PTPN5: variants seen among roughly 807,000 people sequenced by gnomAD.
PTPN5 encodes the protein tyrosine-protein phosphatase non-receptor type 5.
A neutral mutation model predicts 73.9 loss-of-function variants in PTPN5; 29 were observed. That is an observed-to-expected ratio of 0.39 (90% CI 0.29 to 0.54). The LOEUF is 0.54. Among genes scored for constraint, PTPN5 ranks in the 20% least tolerant of loss-of-function variants. The pLI is 0.65. For synonymous variants in PTPN5, 267 were observed against 304.7 expected, an observed-to-expected ratio of 0.88 and a Z score of 1.29; for missense variants, 652 against 751.4, an observed-to-expected ratio of 0.87 and a Z score of 1.55.
At chr11:18,775,019 G>A (rs538747392) in intron 1 of PTPN5, among the ~76,000 whole-genome samples, 6 of 152,306 alleles carry the variant, frequency 3.9e-5, no homozygotes, top group South Asian at 4.2e-4. Context: ...TACTGCACCC[G>A]GACCACACAG....
intron 3 of PTPN5, among the ~76,000 whole-genome samples, chr11:18,751,803 G>A (rs571110278): frequency 1.3e-5 from 2 of 152,232 alleles, no homozygotes; most frequent in African/African-American, 4.8e-5. Flanking sequence ...TCCTGTGGTG[G>A]TCTTAAAATA....
intron 1 of PTPN5, among the ~76,000 whole-genome samples, chr11:18,775,220 C>T (rs996287377): frequency 4.6e-5 from 7 of 152,254 alleles, no homozygotes; most frequent in African/African-American, 1.7e-4. Context: ...ACCTCTCTTT[C>T]ACTTTTTAGC....
rs771130167 is a variant in PTPN5 at position 18,733,283 on chromosome 11, C to T, written c.1170G>A (p.Glu390=). 19 of 1,613,988 alleles carry T rather than the reference C, an allele frequency of 1.2e-5. No homozygotes were observed. The highest frequency in any genetic ancestry group is 1.4e-5 in the Non-Finnish European group (17 of 1,180,022). Residue 390 remains glutamate, a synonymous_variant, in exon 11 of 15, where the codon GAG becomes GAA. Coordinates refer to ENST00000358540, the MANE Select transcript of PTPN5 (RefSeq NM_006906.2). The surrounding 1 kb of genome is among the most constrained non-coding windows in gnomAD (Gnocchi z 4.3). ...TGATCATGACAATGATGGGCGTGTG[C>T]TCCTGCCACACCATGCGCCAGAAGT... ...VADFWRMVWQ[E]HTPIIVMITN...
At chr11:18,732,834 C>A in intron 11 of PTPN5, 132 bp from the exon 12 acceptor site, 1 of 710,926 alleles carries the variant, frequency 1.4e-6, no homozygotes, top group African/African-American at 1.8e-5. Context: ...GTTCAAATCT[C>A]AGCTGCAAAC....
chr11:18,730,883 C>G (rs1006442264), intron 12 of PTPN5: 1 of 152,240 alleles, frequency 6.6e-6, no homozygotes, highest in African/African-American at 2.4e-5. Context: ...TCAATGCTCC[C>G]ACACTCCAAA....
intron 3 of PTPN5, among the ~76,000 whole-genome samples, chr11:18,745,530 C>G (rs1849578771): frequency 6.6e-6 from 1 of 152,186 alleles, no homozygotes; most frequent in Non-Finnish European, 1.5e-5. Context: ...CCCTCCAACA[C>G]TCTGTTCCCC....
intron 8 of PTPN5, among the ~76,000 whole-genome samples, chr11:18,740,026 G>A (rs1849292904): frequency 1.3e-5 from 2 of 152,212 alleles, no homozygotes; most frequent in Non-Finnish European, 2.9e-5. Flanking sequence ...AGGTGATATT[G>A]TAATCTCCTA....
At position 18,729,136 on chromosome 11, in the gene PTPN5, G is replaced by T; in HGVS notation, c.1605-109C>A. On this transcript the variant is annotated intron_variant, in intron 14 of 14. Transcript: ENST00000358540. This position sits in a 1 kb window ranked among gnomAD's most constrained non-coding sequence, Gnocchi z 5.2. Reference sequence around the variant, plus strand: ...CACTTGCCAGGCCTTGCCCCTGTGCGTCTTGGAGAGACCAACCCTTGCCAA... The same window carrying T: ...CACTTGCCAGGCCTTGCCCCTGTGCTTCTTGGAGAGACCAACCCTTGCCAA... The T allele has an allele frequency of 2.7e-6, 3 of 1,130,090 alleles. No homozygotes were observed. Among genetic ancestry groups the T allele is most frequent in the Non-Finnish European group, 3.9e-6 (3 of 778,438 alleles). The allele number at this position is 1,130,090 out of a possible 1,614,324, so 70.0% of individuals were successfully genotyped here.
At chr11:18,771,907 G>A (rs1025440467) in intron 2 of PTPN5, 32 bp downstream of exon 2, 7 of 1,596,176 alleles carry the variant, frequency 4.4e-6, no homozygotes, top group South Asian at 1.1e-5. Context: ...CAGTGGGCGG[G>A]TTGCAGGGGG....
rs373439605 is a variant in PTPN5, at chr11:18,729,823, C to T, written c.1330-5G>A. 2.7e-5 allele frequency: 44 copies of T among 1,613,968 alleles called. No homozygotes were observed. Among genetic ancestry groups the T allele is most frequent in the Non-Finnish European group, 3.6e-5 (43 of 1,180,004 alleles). ...GCCTCGCTCCTCAGTCCCACTCTGTCGAGGAGACAGAGGCCCACCCCAGGT... is the reference window on the plus strand; with the variant it reads ...GCCTCGCTCCTCAGTCCCACTCTGTTGAGGAGACAGAGGCCCACCCCAGGT... On this transcript the variant is annotated splice_polypyrimidine_tract_variant and splice_region_variant and intron_variant, in intron 12 of 14. Coordinates refer to ENST00000358540, the MANE Select transcript of PTPN5 (RefSeq NM_006906.2). This position sits in a 1 kb window ranked among gnomAD's most constrained non-coding sequence, Gnocchi z 5.2.
chr11:18,790,981 G>C (rs2134388073), intron 1 of PTPN5, among the ~76,000 whole-genome samples: 1 of 152,290 alleles, frequency 6.6e-6, no homozygotes, highest in South Asian at 2.1e-4. Context: ...TTTTGCAGGA[G>C]CCTGGGCCTC....
At chr11:18,745,081 C>T (rs10766499) in intron 3 of PTPN5, among the ~76,000 whole-genome samples, 98,709 of 152,096 alleles carry the variant, frequency 0.65, 32,777 homozygotes, top group Middle Eastern at 0.86. Flanking sequence ...TAGATCTGAG[C>T]CCCTGGCTAT....
At chr11:18,744,698 C>T (rs1463643844) in intron 3 of PTPN5, among the ~76,000 whole-genome samples, 2 of 152,140 alleles carry the variant, frequency 1.3e-5, no homozygotes, top group African/African-American at 2.4e-5. Flanking sequence ...GTGCCCCCAC[C>T]CCATCTCAAG....
intron 1 of PTPN5, among the ~76,000 whole-genome samples, chr11:18,786,811 A>C (rs1167481335): frequency 1.3e-5 from 2 of 152,204 alleles, no homozygotes; most frequent in African/African-American, 4.8e-5. Flanking sequence ...AGGTGCCCGA[A>C]GCATTTATAT....
chr11:18,750,192 T>C (rs1666015832), intron 3 of PTPN5, among the ~76,000 whole-genome samples: 1 of 152,220 alleles, frequency 6.6e-6, no homozygotes, highest in African/African-American at 2.4e-5. Flanking sequence ...CCAAGTGCTT[T>C]ACATGTAGTA....
chr11:18,753,478 A>C (rs559927726), intron 3 of PTPN5, among the ~76,000 whole-genome samples: 5 of 152,300 alleles, frequency 3.3e-5, no homozygotes, highest in Admixed American at 1.3e-4. Flanking sequence ...TGTTCTTAGG[A>C]TAAAAACCAA....
chr11:18,746,602 G>A (rs1564901924), intron 3 of PTPN5, among the ~76,000 whole-genome samples: 1 of 151,760 alleles, frequency 6.6e-6, no homozygotes, highest in South Asian at 2.1e-4. Flanking sequence ...ATTAATTCTT[G>A]TCTTCAAAAG....
chr11:18,780,755 A>T (rs1851381155), intron 1 of PTPN5, among the ~76,000 whole-genome samples: 1 of 152,138 alleles, frequency 6.6e-6, no homozygotes, highest in Non-Finnish European at 1.5e-5. Flanking sequence ...TCCCAGGCTG[A>T]CAAGGGGCAA....
chr11:18,777,337 C>T (rs573240288), intron 1 of PTPN5, among the ~76,000 whole-genome samples: 1 of 152,246 alleles, frequency 6.6e-6, no homozygotes, highest in South Asian at 2.1e-4. Context: ...TGTCTACACT[C>T]CAGAGGGTTA....
Sources: allele counts gnomAD v4.1 joint callset (sites outside exome capture counted in the v4.1 genomes callset), GRCh38; gene constraint gnomAD v4.1.1; non-coding constraint Gnocchi (gnomAD v3.1); transcripts MANE v1.5; gene names NCBI Gene and HGNC (gene_info 2026-07-23, HGNC 2026-07-21).